The following PPP2R5A variants were observed in gnomAD, a reference collection of about 807,000 sequenced individuals.
The protein encoded by PPP2R5A is serine/threonine-protein phosphatase 2A 56 kDa regulatory subunit alpha isoform.
In PPP2R5A, 25 loss-of-function variants were observed where a neutral mutation model predicts 64.2. The ratio of observed to expected loss-of-function variants is 0.39; its 90% CI spans 0.28 to 0.54. The LOEUF is 0.54. Among genes scored for constraint, PPP2R5A ranks in the 20% least tolerant of loss-of-function variants. The pLI is 0.67. For synonymous variants in PPP2R5A, 198 were observed against 201.2 expected (o/e 0.98, Z 0.13); for missense variants, 425 against 576.3 (o/e 0.74, Z 2.69).
chr1:212,322,755 T>TTTTATTTATTTATTTA lies in PPP2R5A; in HGVS notation c.182-6356_182-6341dup, dbSNP rs59766947. 2.5e-3 allele frequency among the ~76,000 whole-genome samples: 370 copies of TTTTATTTATTTATTTA among 147,098 alleles called. 3 individuals are homozygous for TTTTATTTATTTATTTA. The highest frequency in any genetic ancestry group is 9.3e-3 in the South Asian group (43 of 4,614). ...CTTTCTTGCATTTAATTAATTCTCA[T>TTTTATTTATTTATTTA]TTTATTTATTTATTTATTTATTTAT... is the stretch of plus-strand genomic sequence containing the variant. On this transcript the variant is annotated intron_variant, in intron 1 of 12. Coordinates refer to ENST00000261461, the MANE Select transcript of PPP2R5A (RefSeq NM_006243.4).
chr1:212,304,764 A>C (rs1446240747), intron 1 of PPP2R5A, among the ~76,000 whole-genome samples: 2 of 118,496 alleles, frequency 1.7e-5, no homozygotes, highest in Admixed American at 9.4e-5. Context: ...ACAGAGTCTC[A>C]CTCTGTTGCC....
At chr1:212,340,853 A>G (rs1472816654) in intron 3 of PPP2R5A, among the ~76,000 whole-genome samples, 1 of 152,184 alleles carries the variant, frequency 6.6e-6, no homozygotes, top group African/African-American at 2.4e-5. Context: ...TAAGGCCTAG[A>G]TCTGGTAGTG....
At chr1:212,325,263 G>A (rs1008521646) in intron 1 of PPP2R5A, among the ~76,000 whole-genome samples, 4 of 152,164 alleles carry the variant, frequency 2.6e-5, no homozygotes, top group Non-Finnish European at 5.9e-5. Context: ...TGAGAGATGG[G>A]AGAGATCATT....
intron 1 of PPP2R5A, among the ~76,000 whole-genome samples, chr1:212,323,145 T>C (rs1011601407): frequency 6.6e-6 from 1 of 152,238 alleles, no homozygotes; most frequent in Non-Finnish European, 1.5e-5. Context: ...TTGAATTACC[T>C]TTGATTCCAG....
chr1:212,333,594 T>C lies in PPP2R5A; in HGVS notation c.476T>C (p.Ile159Thr). 1 of 1,514,658 alleles carries C rather than the reference T, an allele frequency of 6.6e-7. No homozygotes were observed. Among genetic ancestry groups the C allele is most frequent in the Non-Finnish European group, 9.0e-7 (1 of 1,110,538 alleles). 93.8% of individuals were successfully genotyped at this position (1,514,658 alleles called of 1,614,324 possible). The change falls in exon 3 of 13, where the codon ATA becomes ACA. Residue 159 changes from isoleucine (I) to threonine (T), a missense_variant. Coordinates refer to ENST00000261461, the MANE Select transcript of PPP2R5A (RefSeq NM_006243.4). ...EPTLEASWPH[I>T]QLVYEFFLRF... is the part of the protein sequence containing the mutation. ...ACGCTTGAGGCCTCTTGGCCTCACA[T>C]ACAGGTATGGAACATAATTACGTAT...
At chr1:212,338,047 A>G (rs1659619214) in intron 3 of PPP2R5A, among the ~76,000 whole-genome samples, 1 of 152,204 alleles carries the variant, frequency 6.6e-6, no homozygotes, top group Admixed American at 6.5e-5. Context: ...AGGTCTTTAA[A>G]GTTTGCTTCT....
chr1:212,304,923 G>C (rs888910165), intron 1 of PPP2R5A, among the ~76,000 whole-genome samples: 32 of 151,780 alleles, frequency 2.1e-4, no homozygotes, highest in African/African-American at 7.0e-4. Context: ...AGTAGAGATG[G>C]GGTTTCACCA....
chr1:212,307,838 T>C (rs1360685769), intron 1 of PPP2R5A, among the ~76,000 whole-genome samples: 1 of 152,198 alleles, frequency 6.6e-6, no homozygotes, highest in East Asian at 1.9e-4. Flanking sequence ...TTTGCCTTCA[T>C]ATTTTAAAGA....
At chr1:212,349,266 GT>G in intron 8 of PPP2R5A, 24 bp downstream of exon 8, 10 of 1,528,960 alleles carry the variant, frequency 6.5e-6, no homozygotes, top group Admixed American at 1.9e-5. Context: ...TTATTTTCAT[GT>G]TTTTGGTCTG....
At position 212,360,704 on chromosome 1, in the gene PPP2R5A, A is replaced by C. The variant is rs770971667; in HGVS notation, c.1395A>C (p.Lys465Asn). Residue 465 changes from lysine (K) to asparagine (N), a missense_variant, in exon 13 of 13, where the codon AAA (lysine) becomes AAC (asparagine). By Grantham distance (94) the Lys-to-Asn change is moderately conservative (BLOSUM62 0). Coordinates refer to ENST00000261461, the MANE Select transcript of PPP2R5A (RefSeq NM_006243.4). ...WKKLEELKLK[K>N]ALEKQNSAYN... Reference sequence around the variant, plus strand: ...AATTAGAGGAGCTAAAGCTAAAGAAAGCTCTAGAAAAACAGAATAGTGCTT... The same window carrying C: ...AATTAGAGGAGCTAAAGCTAAAGAACGCTCTAGAAAAACAGAATAGTGCTT... The C allele has an allele frequency of 1.9e-6, 3 of 1,598,500 alleles. No individual in the cohort carries two copies. The highest frequency in any genetic ancestry group is 2.6e-6 in the Non-Finnish European group (3 of 1,171,938).
chr1:212,308,223 G>T lies in PPP2R5A; in HGVS notation c.182-20912G>T, dbSNP rs114146125. 5.1e-3 allele frequency among the ~76,000 whole-genome samples: 783 copies of T among 152,198 alleles called. 4 individuals carry two copies. Among genetic ancestry groups the T allele is most frequent in the African/African-American group, 0.018 (751 of 41,532 alleles). ...TTCTGGCCTCAGTTGTTTTTGCTAA[G>T]AAGTCAATTGTTATCTTAGCCCTTG... On this transcript the variant is annotated intron_variant, in intron 1 of 12. Coordinates refer to ENST00000261461, the MANE Select transcript of PPP2R5A (RefSeq NM_006243.4).
chr1:212,335,333 G>C (rs969699762), intron 3 of PPP2R5A, among the ~76,000 whole-genome samples: 6 of 152,006 alleles, frequency 3.9e-5, no homozygotes, highest in Admixed American at 3.9e-4. Context: ...AAATTAGCCA[G>C]GCATGGTGGC....
In PPP2R5A at chr1:212,357,240, T is replaced by C; in HGVS notation, c.1182T>C (p.Ile394=). 1 of 1,596,696 alleles carries C rather than the reference T, an allele frequency of 6.3e-7. No homozygotes were observed. The highest frequency in any genetic ancestry group is 8.5e-7 in the Non-Finnish European group (1 of 1,174,318). Residue 394 remains isoleucine, a synonymous_variant, in exon 11 of 13, where the codon ATT becomes ATC. Transcript: ENST00000261461. ...IEENIDKILP[I]MFASLYKISK... ...AGAACATTGATAAAATTCTGCCAAT[T>C]ATGTTTGCCAGTTTGTACAAAATTT...
chr1:212,336,594 A>G (rs1338310737), intron 3 of PPP2R5A, among the ~76,000 whole-genome samples: 1 of 152,256 alleles, frequency 6.6e-6, no homozygotes, highest in Non-Finnish European at 1.5e-5. Flanking sequence ...AAATTTGGCA[A>G]TTAAATAGTC....
intron 1 of PPP2R5A, among the ~76,000 whole-genome samples, chr1:212,309,814 C>T (rs370869969): frequency 1.2e-4 from 18 of 151,980 alleles, no homozygotes; most frequent in South Asian, 8.3e-4. Flanking sequence ...CGATAGCTGA[C>T]GAGCTAAAAG....
At chr1:212,315,351 TGA>T (rs760452582) in intron 1 of PPP2R5A, among the ~76,000 whole-genome samples, 112 of 152,204 alleles carry the variant, frequency 7.4e-4, no homozygotes, top group Non-Finnish European at 1.2e-3. Context: ...TACTGTCTAT[TGA>T]GAGTGTACTA....
At chr1:212,294,607 A>C (rs568060168) in intron 1 of PPP2R5A, among the ~76,000 whole-genome samples, 31 of 152,220 alleles carry the variant, frequency 2.0e-4, no homozygotes, top group Non-Finnish European at 3.8e-4. Context: ...TCCATAGTGC[A>C]TAAAATTTTG....
chr1:212,318,667 C>T (rs1659204803), intron 1 of PPP2R5A, among the ~76,000 whole-genome samples: 1 of 152,140 alleles, frequency 6.6e-6, no homozygotes, highest in Non-Finnish European at 1.5e-5. Context: ...CTGTGGGTTC[C>T]ACATCTGTGG....
intron 2 of PPP2R5A, 101 bp from the exon 3 acceptor site, chr1:212,333,396 T>G (rs1232670186): frequency 7.5e-6 from 5 of 668,512 alleles, no homozygotes; most frequent in Non-Finnish European, 1.2e-5. Context: ...AGCTTACAGC[T>G]ATAACTTTTT....
Sources: allele counts gnomAD v4.1 joint callset (sites outside exome capture counted in the v4.1 genomes callset), GRCh38; gene constraint gnomAD v4.1.1; transcripts MANE v1.5; gene names NCBI Gene and HGNC (gene_info 2026-07-23, HGNC 2026-07-21).